SHE: variants seen among roughly 807,000 people sequenced by gnomAD.
The protein encoded by SHE is Src homology 2 domain containing E.
A neutral mutation model predicts 49.8 loss-of-function variants in SHE; 11 were observed. The ratio of observed to expected loss-of-function variants is 0.22; its 90% CI spans 0.14 to 0.37. The LOEUF is 0.37. Among genes scored for constraint, SHE ranks in the 10% least tolerant of loss-of-function variants. The pLI is 1.00. For synonymous variants in SHE, 310 were observed against 278.1 expected, an observed-to-expected ratio of 1.11 and a Z score of -1.14; for missense variants, 624 against 655.5, an observed-to-expected ratio of 0.95 and a Z score of 0.52.
At position 154,498,507 on chromosome 1, in the gene SHE, C is replaced by T. The variant is rs185111148; in HGVS notation, c.718+605G>A. On this transcript the variant is annotated intron_variant, in intron 2 of 5. Transcript: ENST00000304760. Reference sequence around the variant, plus strand: ...CCTCCTCCCTAGTTCAAGTGATTCTCGTGCCTCAGCTTCCCAAATAGCTGG... The same window carrying T: ...CCTCCTCCCTAGTTCAAGTGATTCTTGTGCCTCAGCTTCCCAAATAGCTGG... 5.3e-5 allele frequency among the ~76,000 whole-genome samples: 8 copies of T among 151,738 alleles called. No individual in the cohort carries two copies. The South Asian group carries it at 6.3e-4, about 12-fold the overall frequency.
intron 3 of SHE, among the ~76,000 whole-genome samples, chr1:154,487,777 G>C (rs1692225763): frequency 6.6e-6 from 1 of 150,878 alleles, no homozygotes; most frequent in South Asian, 2.1e-4. Context: ...CTGAGCTCAG[G>C]AGGCTGAGGA....
Position 154,483,611 on chromosome 1 carries a change from C to A in SHE, c.*538G>T. The A allele has an allele frequency of 2.0e-6, 2 of 985,822 alleles. No individual in the cohort carries two copies. Among genetic ancestry groups the A allele is most frequent in the Non-Finnish European group, 2.4e-6 (2 of 830,260 alleles). The allele number at this position is 985,822 out of a possible 1,614,324, so 61.1% of individuals were successfully genotyped here. ...CACCCTACCCCAGAGCTGGAGGCAA[C>A]AGCTAAATCATGATTTCTTATTGTA... is the stretch of plus-strand genomic sequence containing the variant. On this transcript the variant is annotated 3_prime_UTR_variant, in exon 6 of 6. Transcript: ENST00000304760.
At chr1:154,492,425 C>A (rs1283551998) in intron 2 of SHE, among the ~76,000 whole-genome samples, 1 of 152,174 alleles carries the variant, frequency 6.6e-6, no homozygotes, top group Admixed American at 6.5e-5. Context: ...CATTGCTAGT[C>A]CCATCCTGAG....
At chr1:154,496,490 T>G in intron 2 of SHE, among the ~76,000 whole-genome samples, 1 of 152,202 alleles carries the variant, frequency 6.6e-6, no homozygotes, top group East Asian at 1.9e-4. Context: ...CTTGGTTGAG[T>G]GGAAAGGTGC....
intron 5 of SHE, 128 bp from the exon 6 acceptor site, chr1:154,484,463 CA>C: frequency 2.7e-6 from 2 of 735,874 alleles, no homozygotes; most frequent in Admixed American, 5.4e-5. Context: ...TCTACACACA[CA>C]GAAATGCATT....
chr1:154,481,088 A>C lies in SHE; in HGVS notation c.*3061T>G, dbSNP rs183712884. On this transcript the variant is annotated 3_prime_UTR_variant, in exon 6 of 6. Coordinates refer to ENST00000304760, the MANE Select transcript of SHE (RefSeq NM_001010846.3). ...CTTGTCTCAAGACAAAATGACAAAA[A>C]GCCAGAGCATTCAGAGCTCAGAGAA... 1.0e-6 allele frequency: 1 copy of C among 985,474 alleles called. No homozygotes were observed. The highest frequency in any genetic ancestry group is 1.1e-4 in the East Asian group (1 of 8,822). The allele number at this position is 985,474 out of a possible 1,614,324, so 61.0% of individuals were successfully genotyped here.
chr1:154,489,947 T>C (rs1692312910), intron 2 of SHE, among the ~76,000 whole-genome samples: 1 of 152,256 alleles, frequency 6.6e-6, no homozygotes, highest in Admixed American at 6.5e-5. Context: ...ATCTACTGAA[T>C]GCTCAAAGTA....
chr1:154,500,911 T>C (rs138923805), intron 1 of SHE, among the ~76,000 whole-genome samples: 33 of 152,204 alleles, frequency 2.2e-4, no homozygotes, highest in African/African-American at 7.7e-4. Context: ...GTCTTGGAGA[T>C]TTGCTGAACC....
intron 1 of SHE, among the ~76,000 whole-genome samples, chr1:154,471,611 A>T (rs1691744637): frequency 6.6e-6 from 1 of 152,122 alleles, no homozygotes; most frequent in East Asian, 1.9e-4. Context: ...CCACTAGTTC[A>T]GCCATGTCCT....
At position 154,489,117 on chromosome 1, in the gene SHE, T is replaced by G. The variant is rs2149293683; in HGVS notation, c.958A>C (p.Arg320=). Residue 320 remains arginine, a synonymous_variant, in exon 3 of 6, where the codon AGG becomes CGG. Transcript: ENST00000304760. The part of the protein sequence containing the change: ...PDSRLPENDE[R]PAAEYEQPWE... ...GGCTGCTCGTACTCTGCCGCGGGCC[T>G]CTCGTCGTTCTCGGGCAGCCGGCTG... The G allele has an allele frequency of 6.2e-7, 1 of 1,613,386 alleles. No individual in the cohort carries two copies. Among genetic ancestry groups the G allele is most frequent in the East Asian group, 2.2e-5 (1 of 44,870 alleles).
intron 3 of SHE, among the ~76,000 whole-genome samples, chr1:154,487,214 G>A (rs1692206410): frequency 6.7e-6 from 1 of 150,060 alleles, no homozygotes; most frequent in African/African-American, 2.4e-5. Context: ...AGAGGTTGCA[G>A]TGAGCCAAGA....
chr1:154,492,591 T>C (rs1034695230), intron 2 of SHE, among the ~76,000 whole-genome samples: 2 of 152,168 alleles, frequency 1.3e-5, no homozygotes, highest in Admixed American at 1.3e-4. Flanking sequence ...TCCTACAGTT[T>C]TTCTTCTTCC....
chr1:154,482,812 G>A lies in SHE; in HGVS notation c.*1337C>T, dbSNP rs1400734755. On this transcript the variant is annotated 3_prime_UTR_variant, in exon 6 of 6. Transcript: ENST00000304760. ...CCTCTAGGTCTTTTCAAACACTTCT[G>A]TATAGTACAAGGCAGTCTGCTTGGT... The A allele has an allele frequency of 1.0e-6, 1 of 985,276 alleles. No homozygotes were observed. Among genetic ancestry groups the A allele is most frequent in the Non-Finnish European group, 1.2e-6 (1 of 829,938 alleles). The allele number at this position is 985,276 out of a possible 1,614,324, so 61.0% of individuals were successfully genotyped here.
chr1:154,488,274 T>A (rs1012583615), intron 3 of SHE, among the ~76,000 whole-genome samples: 4 of 151,680 alleles, frequency 2.6e-5, no homozygotes, highest in African/African-American at 9.7e-5. Context: ...TATTATTATT[T>A]TTGAGCCAGA....
chr1:154,494,967 A>G (rs940216916), intron 2 of SHE, among the ~76,000 whole-genome samples: 1 of 152,218 alleles, frequency 6.6e-6, no homozygotes, highest in African/African-American at 2.4e-5. Flanking sequence ...CAGGAGAATC[A>G]CTTGAACCTG....
chr1:154,497,322 C>CA (rs1163966020), intron 2 of SHE, among the ~76,000 whole-genome samples: 2 of 152,208 alleles, frequency 1.3e-5, no homozygotes, highest in East Asian at 3.8e-4. Flanking sequence ...ACAGAAGAGA[C>CA]AAAGTCTTTC....
In SHE at chr1:154,484,162, C is replaced by T. The variant is rs757507864; in HGVS notation, c.1475G>A (p.Ser492Asn). 6.2e-7 allele frequency: 1 copy of T among 1,613,246 alleles called. No individual in the cohort carries two copies. The highest frequency in any genetic ancestry group is 1.3e-5 in the African/African-American group (1 of 74,914). The change falls in exon 6 of 6, where the codon AGC (serine) becomes AAC (asparagine). Residue 492 changes from serine (S) to asparagine (N), a missense_variant. Physicochemically the swap from Ser to Asn is conservative, Grantham distance 46. This residue lies in a region of SHE where 125 missense variants were observed against 181.7 expected (regional missense o/e 0.69). Transcript: ENST00000304760. The part of the protein sequence containing the change: ...EHMTLLYPVH[S>N]KLH The stretch of plus-strand genomic sequence containing the variant: ...AGTGGCTGAATCTTAGTGAAGCTTG[C>T]TGTGCACTGGGTAGAGTAAAGTCAT...
Position 154,501,707 on chromosome 1 carries a change from C to T in SHE, c.320G>A (p.Ser107Asn), listed in dbSNP as rs1425138721. 1 of 1,608,678 alleles carries T rather than the reference C, an allele frequency of 6.2e-7. No homozygotes were observed. The highest frequency in any genetic ancestry group is 8.5e-7 in the Non-Finnish European group (1 of 1,178,338). The change falls in exon 1 of 6, where the codon AGC becomes AAC. Residue 107 changes from serine (S) to asparagine (N), a missense_variant. By Grantham distance (46) the Ser-to-Asn change is conservative. This residue lies in a region of SHE where 337 missense variants were observed against 306.0 expected (regional missense o/e 1.10). Transcript: ENST00000304760. ...GPKDSRLSRD[S>N]LQGLIQAAAG... Reference sequence around the variant, plus strand: ...GGCGGCCTGAATCAGACCCTGCAGGCTGTCGCGGGACAGCCGGCTGTCCTT... The same window carrying T: ...GGCGGCCTGAATCAGACCCTGCAGGTTGTCGCGGGACAGCCGGCTGTCCTT...
chr1:154,495,804 C>T (rs1184150695), intron 2 of SHE, among the ~76,000 whole-genome samples: 1 of 151,776 alleles, frequency 6.6e-6, no homozygotes, highest in Non-Finnish European at 1.5e-5. Flanking sequence ...TCTACACGCC[C>T]AAGATATTGT....
Sources: allele counts gnomAD v4.1 joint callset (sites outside exome capture counted in the v4.1 genomes callset), GRCh38; gene constraint gnomAD v4.1.1; regional missense constraint gnomAD v4.1.1; transcripts MANE v1.5; gene names NCBI Gene and HGNC (gene_info 2026-07-23, HGNC 2026-07-21).